RALYL: variants seen among roughly 807,000 people sequenced by gnomAD.
RALYL encodes the protein RALY RNA binding protein like.
RALYL carries 29 observed loss-of-function variants against 35.1 expected under a neutral mutation model. That is an observed-to-expected ratio of 0.83 (90% confidence interval 0.61 to 1.13). The LOEUF is 1.13. RALYL is among the 50% of genes most tolerant of loss of function. The pLI is 0.00. For missense variants in RALYL, 359 were observed against 360.4 expected (o/e 1.00, Z 0.03); for synonymous variants, 120 against 127.6 (o/e 0.94, Z 0.40).
At chr8:84,250,183 A>C (rs1829899812) in intron 1 of RALYL, among the ~76,000 whole-genome samples, 1 of 152,082 alleles carries the variant, frequency 6.6e-6, no homozygotes, top group African/African-American at 2.4e-5. Flanking sequence ...TATGGCCGTC[A>C]AACAGCGGTT....
intron 2 of RALYL, among the ~76,000 whole-genome samples, chr8:84,654,272 T>C (rs553903520): frequency 5.0e-5 from 2 of 39,804 alleles, no homozygotes; most frequent in South Asian, 6.8e-4. Context: ...TCATGTTCCA[T>C]ATATATATAT....
chr8:84,450,066 T>C (rs1468950442), intron 1 of RALYL, among the ~76,000 whole-genome samples: 2 of 151,760 alleles, frequency 1.3e-5, no homozygotes, highest in African/African-American at 2.4e-5. Context: ...CTAAAATATA[T>C]ATGAAAAGTT....
At chr8:84,364,203 ATCGCTTCTG>A (rs1853715972) in intron 1 of RALYL, among the ~76,000 whole-genome samples, 5 of 152,210 alleles carry the variant, frequency 3.3e-5, no homozygotes, top group South Asian at 2.1e-4. Flanking sequence ...GGCATCAACC[ATCGCTTCTG>A]ACAAAATGAG....
intron 6 of RALYL, among the ~76,000 whole-genome samples, chr8:84,865,991 G>T (rs933732945): frequency 6.6e-6 from 1 of 152,122 alleles, no homozygotes; most frequent in African/African-American, 2.4e-5. Flanking sequence ...GAAATACAGC[G>T]ATAAAGCATC....
chr8:84,714,483 T>C (rs1303982167), intron 2 of RALYL, among the ~76,000 whole-genome samples: 1 of 151,342 alleles, frequency 6.6e-6, no homozygotes, highest in African/African-American at 2.4e-5. Flanking sequence ...TGTACATATA[T>C]GAAAACATTA....
At chr8:84,476,416 G>A (rs1420798644) in intron 1 of RALYL, among the ~76,000 whole-genome samples, 1 of 152,074 alleles carries the variant, frequency 6.6e-6, no homozygotes, top group Non-Finnish European at 1.5e-5. Context: ...TCTATAAAAA[G>A]CAAAGCCATG....
chr8:84,372,475 C>T (rs1025133339), intron 1 of RALYL, among the ~76,000 whole-genome samples: 4 of 151,930 alleles, frequency 2.6e-5, no homozygotes, highest in Middle Eastern at 3.2e-3. Flanking sequence ...GGGCCAGTAG[C>T]AATTTAAAAA....
At chr8:84,409,406 TA>T (rs2043879490) in intron 1 of RALYL, among the ~76,000 whole-genome samples, 1 of 152,044 alleles carries the variant, frequency 6.6e-6, no homozygotes, top group South Asian at 2.1e-4. Context: ...GGGATGCTTT[TA>T]ATAATCACTC....
intron 1 of RALYL, among the ~76,000 whole-genome samples, chr8:84,405,548 A>G (rs2132062323): frequency 6.6e-6 from 1 of 152,328 alleles, no homozygotes; most frequent in East Asian, 1.9e-4. Context: ...TCCCACAGAA[A>G]TACAAACTAC....
At chr8:84,314,904 C>G (rs1221922488) in intron 1 of RALYL, among the ~76,000 whole-genome samples, 1 of 152,156 alleles carries the variant, frequency 6.6e-6, no homozygotes, top group Non-Finnish European at 1.5e-5. Flanking sequence ...CCAAACTGTT[C>G]ACAGAAAATA....
intron 4 of RALYL, among the ~76,000 whole-genome samples, chr8:84,837,799 A>T (rs1349682831): frequency 6.6e-6 from 1 of 152,228 alleles, no homozygotes; most frequent in Non-Finnish European, 1.5e-5. Flanking sequence ...GGATTTTTAA[A>T]TAAACAATAT....
chr8:84,261,063 G>A (rs1000955227), intron 1 of RALYL, among the ~76,000 whole-genome samples: 9 of 148,434 alleles, frequency 6.1e-5, no homozygotes, highest in Non-Finnish European at 5.9e-5. Context: ...GTTTAAATAT[G>A]GTTTGTCCCA....
chr8:84,435,766 T>G (rs2047646558), intron 1 of RALYL, among the ~76,000 whole-genome samples: 1 of 152,152 alleles, frequency 6.6e-6, no homozygotes, highest in Non-Finnish European at 1.5e-5. Flanking sequence ...AGATTGTAGT[T>G]CTAGAATTGG....
chr8:84,891,394 C>A (rs1357772918), intron 8 of RALYL, among the ~76,000 whole-genome samples: 2 of 152,134 alleles, frequency 1.3e-5, no homozygotes, highest in Non-Finnish European at 2.9e-5. Flanking sequence ...ATTTCAAAAA[C>A]CATTCTGTTT....
chr8:84,800,057 CA>C (rs976554465), intron 3 of RALYL, among the ~76,000 whole-genome samples: 3 of 152,178 alleles, frequency 2.0e-5, no homozygotes, highest in Non-Finnish European at 4.4e-5. Flanking sequence ...ATTTCGTGGG[CA>C]GCTATAGCCA....
chr8:84,326,017 C>T (rs1434352244), intron 1 of RALYL, among the ~76,000 whole-genome samples: 2 of 152,062 alleles, frequency 1.3e-5, no homozygotes, highest in African/African-American at 4.8e-5. Context: ...GAGGCTGAGG[C>T]AGGAGAATCC....
chr8:84,693,086 T>G (rs904742441), intron 2 of RALYL, among the ~76,000 whole-genome samples: 1 of 151,972 alleles, frequency 6.6e-6, no homozygotes, highest in East Asian at 1.9e-4. Context: ...TATCAAATTT[T>G]TGGTAATTTG....
At position 84,184,176 on chromosome 8, in the gene RALYL, T is replaced by A. The variant is rs1811896564; in HGVS notation, c.-272T>A. The A allele has an allele frequency of 6.6e-6, 1 of 152,224 alleles. No individual in the cohort carries two copies. The allele number at this position is 152,224 out of a possible 1,614,324, so 9.4% of individuals were successfully genotyped here. A position where few individuals can be genotyped will look rare whatever the true frequency, so the allele number is the denominator to read the frequency against. ...TTGGGATCATTTTTAAGCAAAATACTTTTTTCCTCCTTTAAATTAACTATG... is the reference window on the plus strand; with the variant it reads ...TTGGGATCATTTTTAAGCAAAATACATTTTTCCTCCTTTAAATTAACTATG... On this transcript the variant is annotated 5_prime_UTR_variant, in exon 1 of 9. Transcript: ENST00000521268.
chr8:84,532,124 C>T (rs2059315438), intron 2 of RALYL, among the ~76,000 whole-genome samples: 1 of 152,110 alleles, frequency 6.6e-6, no homozygotes, highest in South Asian at 2.1e-4. Context: ...CTTTCACTAC[C>T]TCTGTCCAAG....
Sources: allele counts gnomAD v4.1 joint callset (sites outside exome capture counted in the v4.1 genomes callset), GRCh38; gene constraint gnomAD v4.1.1; transcripts MANE v1.5; gene names NCBI Gene and HGNC (gene_info 2026-07-23, HGNC 2026-07-21).